TBC1D5: variants seen among roughly 807,000 people sequenced by gnomAD.
TBC1D5 encodes TBC1 domain family, member 5.
In TBC1D5, 75 loss-of-function variants were observed where a neutral mutation model predicts 100.3. The ratio of observed to expected loss-of-function variants is 0.75; its 90% confidence interval spans 0.62 to 0.91. The LOEUF (loss-of-function observed/expected upper bound fraction) is 0.91, where lower values mean the gene tolerates loss of function less well. TBC1D5 is among the 40% of genes least tolerant of loss of function. The pLI, the probability that TBC1D5 is intolerant of heterozygous loss-of-function variation, is 0.00. For missense variants in TBC1D5, 910 were observed against 942.4 expected (o/e 0.97, Z 0.45); for synonymous variants, 323 against 325.6 (o/e 0.99, Z 0.09).
intron 16 of TBC1D5, among the ~76,000 whole-genome samples, chr3:17,240,519 G>T (rs967357242): frequency 2.0e-5 from 3 of 151,974 alleles, no homozygotes; most frequent in African/African-American, 7.3e-5. Flanking sequence ...TTTACTATAG[G>T]CTGGCAACAG....
chr3:17,282,211 G>T (rs758444805), intron 15 of TBC1D5, among the ~76,000 whole-genome samples: 1 of 152,158 alleles, frequency 6.6e-6, no homozygotes, highest in South Asian at 2.1e-4. Flanking sequence ...ATAGCAAGTC[G>T]GCGGTAAAGG....
At position 17,406,763 on chromosome 3, in the gene TBC1D5, A is replaced by T. The variant is rs542757183; in HGVS notation, c.168-237T>A. On this transcript the variant is annotated intron_variant, in intron 4 of 21. Coordinates refer to ENST00000253692, the Ensembl canonical transcript of TBC1D5. ...CCAGCTACTGAAATTCATAATGTCT[A>T]TGGAGGCTATTCCATTTCCTCTAAA... is the stretch of plus-strand genomic sequence containing the variant. 74 of 460,720 alleles carry T rather than the reference A, an allele frequency of 1.6e-4. 1 individual carries two copies. The East Asian group carries it at 2.7e-3, about 17-fold the overall frequency. The allele number at this position is 460,720 out of a possible 1,614,324, so 28.5% of individuals were successfully genotyped here.
chr3:17,648,918 G>A (rs1194576509), intron 1 of TBC1D5, among the ~76,000 whole-genome samples: 1 of 152,138 alleles, frequency 6.6e-6, no homozygotes, highest in East Asian at 1.9e-4. Context: ...AAGCAATATC[G>A]TGATTCCTCA....
intron 1 of TBC1D5, chr3:17,643,981 C>T (rs1337581551): frequency 6.6e-6 from 1 of 152,052 alleles, no homozygotes; most frequent in African/African-American, 2.4e-5. Flanking sequence ...ATATTCTGCC[C>T]CTGCAAATCT....
At chr3:17,530,542 C>A (rs2096207637) in intron 2 of TBC1D5, among the ~76,000 whole-genome samples, 1 of 152,198 alleles carries the variant, frequency 6.6e-6, no homozygotes, top group African/African-American at 2.4e-5. Context: ...ACAAGGCATT[C>A]CTGCATATTA....
intron 16 of TBC1D5, among the ~76,000 whole-genome samples, chr3:17,249,049 C>T (rs2076974820): frequency 1.3e-5 from 2 of 152,168 alleles, no homozygotes; most frequent in Admixed American, 6.5e-5. Flanking sequence ...TCTGCCTTTA[C>T]AGAATTGAAG....
intron 2 of TBC1D5, among the ~76,000 whole-genome samples, chr3:17,542,363 C>T (rs1222289228): frequency 3.3e-5 from 5 of 152,104 alleles, no homozygotes; most frequent in Admixed American, 3.3e-4. Context: ...GTATCTTTCT[C>T]ATTCTCTCTC....
chr3:17,359,711 AG>A (rs1359668447), intron 13 of TBC1D5, among the ~76,000 whole-genome samples: 3 of 152,076 alleles, frequency 2.0e-5, no homozygotes, highest in Non-Finnish European at 4.4e-5. Context: ...TAAGTGATAC[AG>A]GTTAGCTTAA....
intron 2 of TBC1D5, among the ~76,000 whole-genome samples, chr3:17,608,031 G>C (rs2061444233): frequency 1.3e-5 from 2 of 152,144 alleles, no homozygotes; most frequent in African/African-American, 4.8e-5. Flanking sequence ...TGACACATTA[G>C]AAGCACTGCC....
intron 1 of TBC1D5, among the ~76,000 whole-genome samples, chr3:17,655,093 G>A (rs1013437154): frequency 6.6e-6 from 1 of 151,212 alleles, no homozygotes; most frequent in African/African-American, 2.4e-5. Context: ...CAATTTTGTT[G>A]ATCCTTTCAA....
chr3:17,489,002 T>A (rs1414164727), intron 3 of TBC1D5, among the ~76,000 whole-genome samples: 1 of 148,910 alleles, frequency 6.7e-6, no homozygotes, highest in African/African-American at 2.5e-5. Context: ...TCCCAAACCA[T>A]CCCCCACCGG....
At chr3:17,388,920 CTAA>C (rs1329439524) in intron 8 of TBC1D5, among the ~76,000 whole-genome samples, 2 of 151,962 alleles carry the variant, frequency 1.3e-5, no homozygotes, top group Admixed American at 6.6e-5. Context: ...TGTAACACTA[CTAA>C]TAATAAAAAT....
At chr3:17,702,826 G>A (rs889596198) in intron 1 of TBC1D5, among the ~76,000 whole-genome samples, 5 of 152,026 alleles carry the variant, frequency 3.3e-5, no homozygotes, top group African/African-American at 1.2e-4. Context: ...CTTCCATCAG[G>A]TATAAATAAG....
chr3:17,608,268 CAA>C (rs977875224), intron 2 of TBC1D5, among the ~76,000 whole-genome samples: 1 of 151,746 alleles, frequency 6.6e-6, no homozygotes, highest in Non-Finnish European at 1.5e-5. Context: ...AAAACGAAAA[CAA>C]AAAAGAGTAA....
chr3:17,428,585 G>A (rs2094389382), intron 3 of TBC1D5, 66 bp from the exon 4 acceptor site: 3 of 839,288 alleles, frequency 3.6e-6, no homozygotes, highest in Non-Finnish European at 3.5e-6. Flanking sequence ...GAAAAACTGT[G>A]TGAAAGCTCT....
At chr3:17,420,194 T>C (rs1232643168) in intron 4 of TBC1D5, among the ~76,000 whole-genome samples, 1 of 151,426 alleles carries the variant, frequency 6.6e-6, no homozygotes, top group Non-Finnish European at 1.5e-5. Flanking sequence ...GAAGATAAGT[T>C]AGCTCCCTTG....
intron 1 of TBC1D5, among the ~76,000 whole-genome samples, chr3:17,711,191 T>C (rs904068807): frequency 2.0e-5 from 3 of 152,190 alleles, no homozygotes; most frequent in Admixed American, 6.5e-5. Flanking sequence ...AAAATACTAA[T>C]GGTTATTTCC....
chr3:17,342,261 G>T (rs2089096832), intron 13 of TBC1D5, among the ~76,000 whole-genome samples: 1 of 152,162 alleles, frequency 6.6e-6, no homozygotes, highest in African/African-American at 2.4e-5. Context: ...GGAATGCTCT[G>T]CCTTCTTACA....
chr3:17,276,143 A>G (rs2079982963), intron 15 of TBC1D5, among the ~76,000 whole-genome samples: 1 of 151,738 alleles, frequency 6.6e-6, no homozygotes, highest in Admixed American at 6.6e-5. Flanking sequence ...GTGGCAGCAG[A>G]GCTGGTGTCT....
Sources: allele counts gnomAD v4.1 joint callset (sites outside exome capture counted in the v4.1 genomes callset), GRCh38; gene constraint gnomAD v4.1.1; transcripts MANE v1.5; gene names NCBI Gene and HGNC (gene_info 2026-07-23, HGNC 2026-07-21).